The following PTPRD variants were observed in gnomAD, a reference collection of about 807,000 sequenced individuals.
The protein encoded by PTPRD is protein tyrosine phosphatase receptor type D, also known as receptor-type tyrosine-protein phosphatase delta.
A neutral mutation model predicts 214.5 loss-of-function variants in PTPRD; 34 were observed. The ratio of observed to expected loss-of-function variants is 0.16; its 90% CI spans 0.12 to 0.21. The LOEUF (loss-of-function observed/expected upper bound fraction) is 0.21. Among genes scored for constraint, PTPRD ranks in the 10% least tolerant of loss-of-function variants. The pLI is 1.00. For synonymous variants in PTPRD, 1,128 were observed against 845.7 expected (o/e 1.33, Z -5.79); for missense variants, 2,545 against 2,398.7 (o/e 1.06, Z -1.27).
chr9:9,970,410 C>CTCAAAAAAAAAAGAAAAA (rs1442788017), intron 4 of PTPRD, among the ~76,000 whole-genome samples: 1 of 133,480 alleles, frequency 7.5e-6, no homozygotes, highest in Non-Finnish European at 1.5e-5. Flanking sequence ...AGAGCCTGGG[C>CTCAAAAAAAAAAGAAAAA]GACAGCGAGA....
At chr9:9,594,123 A>C (rs2093041303) in intron 7 of PTPRD, among the ~76,000 whole-genome samples, 1 of 152,084 alleles carries the variant, frequency 6.6e-6, no homozygotes, top group Non-Finnish European at 1.5e-5. Context: ...ATATGAAAGA[A>C]GATCACTTAC....
intron 3 of PTPRD, among the ~76,000 whole-genome samples, chr9:10,041,470 A>G (rs2097295954): frequency 6.6e-6 from 1 of 151,914 alleles, no homozygotes; most frequent in South Asian, 2.1e-4. Flanking sequence ...ATAAGATAGG[A>G]CTACTGAAAT....
intron 12 of PTPRD, among the ~76,000 whole-genome samples, chr9:8,642,111 C>A (rs1232157358): frequency 1.3e-5 from 2 of 152,122 alleles, no homozygotes; most frequent in African/African-American, 4.8e-5. Context: ...TGAGAAATTC[C>A]TAAAGGTTAA....
chr9:8,457,712 T>A (rs1474213692), intron 33 of PTPRD, among the ~76,000 whole-genome samples: 1 of 152,138 alleles, frequency 6.6e-6, no homozygotes, highest in Non-Finnish European at 1.5e-5. Context: ...GGATTATCAA[T>A]ATAATGTGAG....
rs535726967 is a variant in PTPRD at position 8,582,428 on chromosome 9, T to C, written c.352+50889A>G. ...ATTTGACTACACTAAAATTAGGCTT[T>C]TGTTCAGTCAAAAAACAAACATCAT... On this transcript the variant is annotated intron_variant, in intron 14 of 45. Transcript: ENST00000381196. Among the ~76,000 whole-genome samples the C allele has an allele frequency of 3.9e-5, 6 of 152,348 alleles. No homozygotes were observed. The East Asian group carries it at 1.2e-3, about 29-fold the overall frequency.
At chr9:9,505,131 C>T (rs1004492270) in intron 8 of PTPRD, among the ~76,000 whole-genome samples, 2 of 151,500 alleles carry the variant, frequency 1.3e-5, no homozygotes, top group African/African-American at 4.8e-5. Flanking sequence ...TTTCTATTTC[C>T]TTTGATATAG....
intron 12 of PTPRD, among the ~76,000 whole-genome samples, chr9:8,640,798 G>A (rs962223995): frequency 2.6e-5 from 4 of 151,774 alleles, no homozygotes; most frequent in Admixed American, 6.6e-5. Flanking sequence ...CACAAGATCC[G>A]AACTACAAAA....
intron 4 of PTPRD, among the ~76,000 whole-genome samples, chr9:9,986,909 G>A (rs1250654240): frequency 7.0e-6 from 1 of 141,980 alleles, no homozygotes; most frequent in African/African-American, 2.6e-5. Context: ...TTTTTTTACT[G>A]TAATTAAAAG....
At chr9:8,992,088 TG>T (rs1238080685) in intron 11 of PTPRD, among the ~76,000 whole-genome samples, 1 of 152,150 alleles carries the variant, frequency 6.6e-6, no homozygotes, top group Non-Finnish European at 1.5e-5. Flanking sequence ...AATAGTCTCC[TG>T]TTTGGCGGCC....
intron 3 of PTPRD, among the ~76,000 whole-genome samples, chr9:10,338,585 C>G (rs1209050594): frequency 6.6e-6 from 1 of 151,688 alleles, no homozygotes; most frequent in Non-Finnish European, 1.5e-5. Flanking sequence ...CTTTCCCACC[C>G]CAAACTGTAC....
intron 2 of PTPRD, among the ~76,000 whole-genome samples, chr9:10,607,861 T>C (rs963964119): frequency 1.3e-5 from 2 of 151,960 alleles, no homozygotes; most frequent in African/African-American, 4.8e-5. Context: ...TTAAAGTTAA[T>C]GTATTGTATC....
At chr9:8,938,780 C>T (rs1428240807) in intron 11 of PTPRD, among the ~76,000 whole-genome samples, 3 of 151,996 alleles carry the variant, frequency 2.0e-5, no homozygotes, top group Non-Finnish European at 4.4e-5. Context: ...TCTTTGTGGA[C>T]ACATTTTCTA....
chr9:8,884,024 AT>A lies in PTPRD; in HGVS notation c.-104+134672del, dbSNP rs557659569. Among the ~76,000 whole-genome samples, 396 of 152,276 alleles carry A rather than the reference AT, an allele frequency of 2.6e-3. 5 individuals are homozygous for A. The highest frequency in any genetic ancestry group is 8.5e-3 in the African/African-American group (353 of 41,568). Reference sequence around the variant, plus strand: ...GGGCAAGCTTTATGTTGCCTCATTTATTTTCCATAATTCTTATTCCCATTTT... The same window carrying A: ...GGGCAAGCTTTATGTTGCCTCATTTATTTCCATAATTCTTATTCCCATTTT... On this transcript the variant is annotated intron_variant, in intron 11 of 45. Coordinates refer to ENST00000381196, the MANE Select transcript of PTPRD (RefSeq NM_002839.4).
At chr9:9,790,780 C>T (rs1277589476) in intron 5 of PTPRD, among the ~76,000 whole-genome samples, 1 of 152,090 alleles carries the variant, frequency 6.6e-6, no homozygotes, top group African/African-American at 2.4e-5. Context: ...CTCTTCAAAA[C>T]TTGTAATGTG....
At chr9:9,180,390 T>A (rs1569559399) in intron 10 of PTPRD, among the ~76,000 whole-genome samples, 1 of 137,562 alleles carries the variant, frequency 7.3e-6, no homozygotes, top group African/African-American at 2.8e-5. Flanking sequence ...AGGTGGGAAC[T>A]GAACAATGAG....
chr9:9,893,584 T>A (rs1304035291), intron 5 of PTPRD, among the ~76,000 whole-genome samples: 2 of 152,148 alleles, frequency 1.3e-5, no homozygotes, highest in Non-Finnish European at 2.9e-5. Context: ...ACTGAATAGC[T>A]AGTATTGAAT....
At chr9:9,208,892 C>G (rs920421792) in intron 9 of PTPRD, among the ~76,000 whole-genome samples, 3 of 151,856 alleles carry the variant, frequency 2.0e-5, no homozygotes, top group African/African-American at 7.3e-5. Context: ...ACTGCAAGCT[C>G]CACTTCCCGG....
chr9:9,458,692 G>A (rs1163240153), intron 8 of PTPRD, among the ~76,000 whole-genome samples: 1 of 152,070 alleles, frequency 6.6e-6, no homozygotes, highest in African/African-American at 2.4e-5. Context: ...CTTAATCCCA[G>A]CACTTTGGGA....
chr9:8,911,887 G>T (rs2098750738), intron 11 of PTPRD, among the ~76,000 whole-genome samples: 1 of 152,060 alleles, frequency 6.6e-6, no homozygotes, highest in African/African-American at 2.4e-5. Flanking sequence ...GAAGATATAT[G>T]AATGATTAAT....
Sources: gnomAD v4.1 joint callset for allele counts (sites outside exome capture counted in the v4.1 genomes callset) on GRCh38, gnomAD v4.1.1 for gene constraint, MANE v1.5 for transcripts, NCBI Gene and HGNC (gene_info 2026-07-23, HGNC 2026-07-21) for gene names.